Variants in PARP4 observed in about 807,000 individuals in gnomAD.
PARP4 encodes protein mono-ADP-ribosyltransferase PARP4.
Under a neutral mutation model 187.7 loss-of-function variants are expected in PARP4, and 120 were observed. The observed-to-expected ratio is 0.64, with a 90% CI of 0.55 to 0.74. PARP4 has a LOEUF of 0.74. Among genes scored for constraint, PARP4 ranks in the 30% least tolerant of loss-of-function variants. The pLI is 0.00. For synonymous variants in PARP4, 654 were observed against 740.9 expected (o/e 0.88, Z 1.90); for missense variants, 1,836 against 2,070.5 (o/e 0.89, Z 2.20).
At chr13:24,475,679 C>G in intron 14 of PARP4, 83 bp from the exon 15 acceptor site, 3 of 1,298,128 alleles carry the variant, frequency 2.3e-6, no homozygotes, top group Non-Finnish European at 2.2e-6. Flanking sequence ...CTTCTTCAAG[C>G]CTTCATGCAT....
intron 17 of PARP4, among the ~76,000 whole-genome samples, chr13:24,461,080 T>TA (rs1872196266): frequency 6.6e-6 from 1 of 152,220 alleles, no homozygotes; most frequent in Non-Finnish European, 1.5e-5. Context: ...AGAGGCTAGA[T>TA]ACATTTTTTT....
At chr13:24,437,004 G>A (rs912506361) in intron 30 of PARP4, among the ~76,000 whole-genome samples, 6 of 152,080 alleles carry the variant, frequency 3.9e-5, no homozygotes, top group African/African-American at 1.4e-4. Flanking sequence ...TGATGGACTA[G>A]AACTATCAGA....
intron 12 of PARP4, among the ~76,000 whole-genome samples, chr13:24,480,735 G>A (rs1460592655): frequency 1.3e-5 from 2 of 152,244 alleles, no homozygotes; most frequent in Admixed American, 1.3e-4. Context: ...AGAGAGGTGA[G>A]GAAACTGCAG....
intron 7 of PARP4, 36 bp from the exon 8 acceptor site, chr13:24,493,769 A>G: frequency 6.2e-7 from 1 of 1,608,628 alleles, no homozygotes. Flanking sequence ...CCAAAAAGTC[A>G]TCATGTGTGA....
intron 27 of PARP4, among the ~76,000 whole-genome samples, chr13:24,444,180 C>T (rs1871091472): frequency 6.6e-6 from 1 of 152,270 alleles, no homozygotes; most frequent in Non-Finnish European, 1.5e-5. Context: ...TCCTCTCCAA[C>T]AACTGAGAGA....
At chr13:24,471,999 T>TTCAA (rs1872745684) in intron 15 of PARP4, among the ~76,000 whole-genome samples, 1 of 152,202 alleles carries the variant, frequency 6.6e-6, no homozygotes, top group East Asian at 1.9e-4. Flanking sequence ...AAGCTAAGCC[T>TTCAA]TACAAACTCC....
chr13:24,425,120 G>A (rs1422178588), intron 33 of PARP4, among the ~76,000 whole-genome samples: 1 of 152,076 alleles, frequency 6.6e-6, no homozygotes, highest in East Asian at 1.9e-4. Context: ...TGGGTAACAT[G>A]GCAAAGCCCC....
At chr13:24,492,385 T>C (rs1868705145) in intron 9 of PARP4, 36 bp downstream of exon 9, 9 of 1,494,196 alleles carry the variant, frequency 6.0e-6, no homozygotes, top group Non-Finnish European at 8.2e-6. Context: ...TCAACATATT[T>C]TATAATAAAT....
At chr13:24,460,812 A>ATGCGTG (rs1270552755) in intron 17 of PARP4, among the ~76,000 whole-genome samples, 7 of 152,098 alleles carry the variant, frequency 4.6e-5, no homozygotes, top group African/African-American at 1.7e-4. Flanking sequence ...AGTAGATGGG[A>ATGCGTG]CTACAGGCAC....
At chr13:24,484,422 C>T (rs1350893611) in intron 12 of PARP4, among the ~76,000 whole-genome samples, 2 of 152,154 alleles carry the variant, frequency 1.3e-5, no homozygotes, top group African/African-American at 4.8e-5. Context: ...ATCCTCCCAC[C>T]CTGGCCTCCA....
In PARP4 at chr13:24,469,904, A is replaced by G; in HGVS notation, c.2036T>C (p.Ile679Thr). 6.2e-7 allele frequency: 1 copy of G among 1,613,494 alleles called. No homozygotes were observed. ...ATCTTCTTGCCTTACCTCTCCAACT[A>G]TGTGCTTCCCATTGATGAAGGCTTC... is the stretch of plus-strand genomic sequence containing the variant. Reference protein sequence around the residue: ...GFEAFINGKHIVGEIKEKEEA... With the variant: ...GFEAFINGKHTVGEIKEKEEA... Residue 679 changes from isoleucine (I) to threonine (T), a missense_variant, in exon 16 of 34, where the codon ATA (isoleucine) becomes ACA (threonine). Ile to Thr is a moderately conservative substitution (Grantham distance 89). Coordinates refer to ENST00000381989, the MANE Select transcript of PARP4 (RefSeq NM_006437.4).
At chr13:24,447,935 AGT>A (rs1416070939) in intron 25 of PARP4, among the ~76,000 whole-genome samples, 1 of 152,062 alleles carries the variant, frequency 6.6e-6, no homozygotes, top group African/African-American at 2.4e-5. Context: ...GGCTGGGCAG[AGT>A]GGCTCATGCC....
chr13:24,454,018 G>A (rs993634945), intron 22 of PARP4, among the ~76,000 whole-genome samples: 3 of 151,826 alleles, frequency 2.0e-5, no homozygotes, highest in Admixed American at 6.6e-5. Context: ...GGGAGGCTAA[G>A]GCCGGGAGGC....
chr13:24,501,166 A>G (rs1053027238), intron 3 of PARP4, among the ~76,000 whole-genome samples: 1 of 152,232 alleles, frequency 6.6e-6, no homozygotes, highest in East Asian at 1.9e-4. Context: ...TGACTCAGGA[A>G]GAGTGCATTT....
intron 15 of PARP4, among the ~76,000 whole-genome samples, chr13:24,473,789 T>C (rs1872840133): frequency 1.3e-5 from 2 of 152,024 alleles, no homozygotes. Flanking sequence ...AATCCAGTGA[T>C]CAGGGCTGGG....
chr13:24,444,525 A>G (rs953919465), intron 27 of PARP4, among the ~76,000 whole-genome samples: 2 of 152,214 alleles, frequency 1.3e-5, no homozygotes, highest in African/African-American at 2.4e-5. Flanking sequence ...GAAATGATTT[A>G]TCTGGTTATA....
Position 24,499,313 on chromosome 13 carries a change from G to A in PARP4, c.465C>T (p.Asn155=), listed in dbSNP as rs1869142861. 1 of 1,556,514 alleles carries A rather than the reference G, an allele frequency of 6.4e-7. No homozygotes were observed. The highest frequency in any genetic ancestry group is 1.2e-5 in the South Asian group (1 of 81,378). The change falls in exon 5 of 34, where the codon AAC becomes AAT. Residue 155 remains asparagine, a synonymous_variant. Transcript: ENST00000381989. ...ATCAGATTCTTACTTTCTCCAAGGT[G>A]TTATATTTTGCAACTTCAAAATCTT... ...LPQDFEVAKY[N]TLEKVGMEGG...
At chr13:24,491,707 G>GCCTTCCTCTACTCACTAA (rs375742652) in intron 9 of PARP4, among the ~76,000 whole-genome samples, 1,766 of 152,288 alleles carry the variant, frequency 0.012, 40 homozygotes, top group African/African-American at 0.039. Flanking sequence ...TGCTGTGGCT[G>GCCTTCCTCTACTCACTAA]CCTTCCTCTA....
chr13:24,439,347 A>T (rs1447077260), intron 30 of PARP4, among the ~76,000 whole-genome samples: 2 of 151,986 alleles, frequency 1.3e-5, no homozygotes, highest in African/African-American at 2.4e-5. Flanking sequence ...AAAAAATCTA[A>T]AAACAACACA....
Sources: gnomAD v4.1 joint callset for allele counts (sites outside exome capture counted in the v4.1 genomes callset) on GRCh38, gnomAD v4.1.1 for gene constraint, MANE v1.5 for transcripts, NCBI Gene and HGNC (gene_info 2026-07-23, HGNC 2026-07-21) for gene names.